Variants in KIAA1217 observed in about 807,000 individuals in gnomAD.
The protein encoded by KIAA1217 is sickle tail protein homolog.
KIAA1217 carries 88 observed loss-of-function variants against 163.9 expected under a neutral mutation model. The observed-to-expected ratio is 0.54, with a 90% CI of 0.45 to 0.64. KIAA1217 has a LOEUF of 0.64. Ranked by LOEUF, KIAA1217 falls within the 30% of genes least tolerant of loss-of-function variation. KIAA1217 has a pLI of 0.00. For synonymous variants in KIAA1217, 903 were observed against 923.1 expected (o/e 0.98, Z 0.39); for missense variants, 2,372 against 2,475.0 (o/e 0.96, Z 0.88).
chr10:24,312,129 C>T (rs2042777410), intron 2 of KIAA1217, among the ~76,000 whole-genome samples: 1 of 152,152 alleles, frequency 6.6e-6, no homozygotes, highest in Admixed American at 6.6e-5. Flanking sequence ...GCCACTCACA[C>T]CCGAGATGCC....
intron 2 of KIAA1217, among the ~76,000 whole-genome samples, chr10:24,137,244 T>A (rs1429507200): frequency 6.6e-6 from 1 of 152,210 alleles, no homozygotes; most frequent in South Asian, 2.1e-4. Context: ...TTCACTGCTG[T>A]TGGCAAGACC....
At chr10:24,147,401 G>A (rs540834481) in intron 2 of KIAA1217, among the ~76,000 whole-genome samples, 41 of 152,148 alleles carry the variant, frequency 2.7e-4, no homozygotes, top group Middle Eastern at 3.4e-3. Context: ...AACCTTGAAC[G>A]CACCACTTTG....
chr10:24,345,162 G>A (rs2047568680), intron 2 of KIAA1217, among the ~76,000 whole-genome samples: 1 of 152,116 alleles, frequency 6.6e-6, no homozygotes, highest in Non-Finnish European at 1.5e-5. Context: ...TTTCTTCACT[G>A]ACAGTTAGCA....
At chr10:24,428,810 CCA>C (rs1005859908) in intron 3 of KIAA1217, among the ~76,000 whole-genome samples, 1 of 150,352 alleles carries the variant, frequency 6.7e-6, no homozygotes, top group Non-Finnish European at 1.5e-5. Flanking sequence ...TATGATCATA[CCA>C]CTGCACTCCA....
intron 1 of KIAA1217, among the ~76,000 whole-genome samples, chr10:23,715,175 C>A (rs960649344): frequency 6.6e-6 from 1 of 152,172 alleles, no homozygotes; most frequent in Non-Finnish European, 1.5e-5. Flanking sequence ...TTACTTTAGC[C>A]TCCTCTTACT....
intron 2 of KIAA1217, among the ~76,000 whole-genome samples, chr10:24,089,469 T>A (rs1372603340): frequency 1.7e-5 from 2 of 119,312 alleles, no homozygotes; most frequent in Non-Finnish European, 4.2e-5. Flanking sequence ...AATTAATTTT[T>A]GTATAAGGTG....
intron 6 of KIAA1217, among the ~76,000 whole-genome samples, chr10:24,485,203 A>C (rs2065235029): frequency 6.6e-6 from 1 of 151,898 alleles, no homozygotes; most frequent in Admixed American, 6.6e-5. Context: ...CCAGGATTCT[A>C]AGTGAGGCTG....
chr10:24,234,421 T>A (rs1450149411), intron 2 of KIAA1217, among the ~76,000 whole-genome samples: 1 of 151,986 alleles, frequency 6.6e-6, no homozygotes, highest in Non-Finnish European at 1.5e-5. Context: ...CCCAACACTT[T>A]GGGAGGCTAA....
At chr10:23,929,627 T>C (rs1036176816) in intron 1 of KIAA1217, among the ~76,000 whole-genome samples, 26 of 152,234 alleles carry the variant, frequency 1.7e-4, no homozygotes, top group Non-Finnish European at 8.8e-5. Context: ...TCCATGTTGC[T>C]GCAAAGGACG....
chr10:23,786,084 GA>G (rs1465446846), intron 1 of KIAA1217, among the ~76,000 whole-genome samples: 1 of 152,154 alleles, frequency 6.6e-6, no homozygotes, highest in African/African-American at 2.4e-5. Flanking sequence ...CAAGTAGTGA[GA>G]ATTGTCTGGG....
chr10:23,826,468 G>T (rs1457088265), intron 1 of KIAA1217, among the ~76,000 whole-genome samples: 1 of 152,148 alleles, frequency 6.6e-6, no homozygotes, highest in Non-Finnish European at 1.5e-5. Flanking sequence ...GGATAGAATC[G>T]CTTGAGCCCA....
At chr10:24,390,026 T>G (rs1218604837) in intron 3 of KIAA1217, among the ~76,000 whole-genome samples, 4 of 152,166 alleles carry the variant, frequency 2.6e-5, no homozygotes, top group African/African-American at 4.8e-5. Context: ...AAGCTTCCTC[T>G]TTACCAAACC....
intron 1 of KIAA1217, among the ~76,000 whole-genome samples, chr10:23,700,144 T>C (rs1836334348): frequency 6.6e-6 from 1 of 152,202 alleles, no homozygotes; most frequent in Non-Finnish European, 1.5e-5. Flanking sequence ...CCTGCTTCTC[T>C]CACTTATTCC....
At chr10:23,928,087 C>T (rs1843103184) in intron 1 of KIAA1217, among the ~76,000 whole-genome samples, 1 of 152,184 alleles carries the variant, frequency 6.6e-6, no homozygotes, top group Non-Finnish European at 1.5e-5. Flanking sequence ...AAGCTGTCTA[C>T]CTCTGTAGGC....
chr10:24,487,015 C>A (rs571518750), intron 6 of KIAA1217, among the ~76,000 whole-genome samples: 1 of 152,308 alleles, frequency 6.6e-6, no homozygotes, highest in South Asian at 2.1e-4. Context: ...AGTCAGAGAA[C>A]AAACACAGTT....
chr10:23,992,536 A>G (rs747336598), intron 1 of KIAA1217, among the ~76,000 whole-genome samples: 24 of 152,120 alleles, frequency 1.6e-4, no homozygotes, highest in African/African-American at 4.6e-4. Context: ...AAGACCCCCC[A>G]GGATAAGAAG....
intron 1 of KIAA1217, among the ~76,000 whole-genome samples, chr10:23,791,281 G>A (rs560444015): frequency 6.6e-6 from 1 of 152,116 alleles, no homozygotes; most frequent in South Asian, 2.1e-4. Context: ...GTTGAGAGAA[G>A]AATATGATAA....
At chr10:24,140,278 T>C (rs1408258965) in intron 2 of KIAA1217, among the ~76,000 whole-genome samples, 1 of 150,284 alleles carries the variant, frequency 6.7e-6, no homozygotes, top group Non-Finnish European at 1.5e-5. Flanking sequence ...GAGAATGGCA[T>C]GAACCCGGGA....
At chr10:24,215,726 T>C (rs2068729024) in intron 1 of KIAA1217, among the ~76,000 whole-genome samples, 1 of 152,218 alleles carries the variant, frequency 6.6e-6, no homozygotes, top group Non-Finnish European at 1.5e-5. Context: ...CTGAGCCTTG[T>C]CGAGGAAAAG....
Sources: allele counts gnomAD v4.1 joint callset (sites outside exome capture counted in the v4.1 genomes callset), GRCh38; gene constraint gnomAD v4.1.1; transcripts MANE v1.5; gene names NCBI Gene and HGNC (gene_info 2026-07-23, HGNC 2026-07-21).